The following TEPSIN variants were observed in gnomAD, a reference collection of about 807,000 sequenced individuals.
TEPSIN encodes the protein AP-4 complex accessory subunit tepsin.
In TEPSIN, 50 loss-of-function variants were observed where a neutral mutation model predicts 48.5. The ratio of observed to expected loss-of-function variants is 1.03; its 90% CI spans 0.82 to 1.31. TEPSIN has a LOEUF of 1.31. Among genes scored for constraint, TEPSIN ranks in the 50% most tolerant of loss-of-function variants. TEPSIN has a pLI of 0.00. For missense variants in TEPSIN, 838 were observed against 815.9 expected (o/e 1.03, Z -0.33); for synonymous variants, 392 against 358.8 (o/e 1.09, Z -1.05).
At chr17:81,232,933 G>A in intron 7 of TEPSIN, 1 of 230,422 alleles carries the variant, frequency 4.3e-6, no homozygotes, top group Non-Finnish European at 8.5e-6. Context: ...AGGACGGCGT[G>A]ACACAGCCTA....
chr17:81,233,075 G>T lies in TEPSIN; in HGVS notation c.526+357C>A. The stretch of plus-strand genomic sequence containing the variant: ...TGGTGAGCAGTTGTCCACTGGTACT[G>T]CCCCACCTCATAACAGCTCCACACG... On this transcript the variant is annotated intron_variant, in intron 7 of 12. Coordinates refer to ENST00000637944, the MANE Select transcript of TEPSIN (RefSeq NM_001363764.2). This position sits in a 1 kb window ranked among gnomAD's most constrained non-coding sequence, Gnocchi z 5.8. The T allele has an allele frequency of 2.8e-6, 1 of 358,368 alleles. No homozygotes were observed. The highest frequency in any genetic ancestry group is 5.1e-6 in the Non-Finnish European group (1 of 194,356). 22.2% of individuals were successfully genotyped at this position (358,368 alleles called of 1,614,324 possible).
chr17:81,232,527 G>T lies in TEPSIN; in HGVS notation c.527-9C>A. ...GGCTTCGCCTGCCGAGCCTGTACCC[G>T]AGGAGAGGGAGATGGGACGGCCGCC... On this transcript the variant is annotated splice_polypyrimidine_tract_variant and intron_variant, in intron 7 of 12. Coordinates refer to ENST00000637944, the MANE Select transcript of TEPSIN (RefSeq NM_001363764.2). 6.5e-7 allele frequency: 1 copy of T among 1,527,268 alleles called. No homozygotes were observed. Among genetic ancestry groups the T allele is most frequent in the Admixed American group, 2.0e-5 (1 of 50,704 alleles). 94.6% of individuals were successfully genotyped at this position (1,527,268 alleles called of 1,614,324 possible).
At position 81,233,785 on chromosome 17, in the gene TEPSIN, A is replaced by G. The variant is rs1443532277; in HGVS notation, c.376-69T>C. On this transcript the variant is annotated intron_variant, in intron 5 of 12. Coordinates refer to ENST00000637944, the MANE Select transcript of TEPSIN (RefSeq NM_001363764.2). This position sits in a 1 kb window ranked among gnomAD's most constrained non-coding sequence, Gnocchi z 5.8. Reference sequence around the variant, plus strand: ...CTGCTGTACTCACCCTGCCACCCATATCAGCTCCGTTCTGTCCCCCGGACA... The same window carrying G: ...CTGCTGTACTCACCCTGCCACCCATGTCAGCTCCGTTCTGTCCCCCGGACA... 9 of 1,475,700 alleles carry G rather than the reference A, an allele frequency of 6.1e-6. No homozygotes were observed. The highest frequency in any genetic ancestry group is 8.2e-6 in the Non-Finnish European group (9 of 1,093,800). The allele number at this position is 1,475,700 out of a possible 1,614,324, so 91.4% of individuals were successfully genotyped here. A position where few individuals can be genotyped will look rare whatever the true frequency, so the allele number is the denominator to read the frequency against.
intron 2 of TEPSIN, 106 bp from the exon 3 acceptor site, chr17:81,237,177 A>C: frequency 7.8e-7 from 1 of 1,287,854 alleles, no homozygotes; most frequent in Non-Finnish European, 1.1e-6. Flanking sequence ...GGAGGCGCCT[A>C]CTGGAGGCTC....
Position 81,234,147 on chromosome 17 carries a change from C to T in TEPSIN, c.308-99G>A. 9.0e-7 allele frequency: 1 copy of T among 1,116,312 alleles called. No homozygotes were observed. The highest frequency in any genetic ancestry group is 1.2e-6 in the Non-Finnish European group (1 of 811,164). 69.2% of individuals were successfully genotyped at this position (1,116,312 alleles called of 1,614,324 possible). Reference sequence around the variant, plus strand: ...TGGGCCCACTCCAGGGTGGCAAGTTCCTGCCACCAAGGCCCTTCTGTCACA... The same window carrying T: ...TGGGCCCACTCCAGGGTGGCAAGTTTCTGCCACCAAGGCCCTTCTGTCACA... On this transcript the variant is annotated intron_variant, in intron 4 of 12. Coordinates refer to ENST00000637944, the MANE Select transcript of TEPSIN (RefSeq NM_001363764.2). The surrounding 1 kb of genome is among the most constrained non-coding windows in gnomAD (Gnocchi z 5.4).
Position 81,230,441 on chromosome 17 carries a change from G to C in TEPSIN, c.1233+103C>G. 6.6e-7 allele frequency: 1 copy of C among 1,505,646 alleles called. No homozygotes were observed. Among genetic ancestry groups the C allele is most frequent in the South Asian group, 1.2e-5 (1 of 80,694 alleles). The allele number at this position is 1,505,646 out of a possible 1,614,324, so 93.3% of individuals were successfully genotyped here. The stretch of plus-strand genomic sequence containing the variant: ...GGGACTTGAGAGGGGGTCCGGGAAG[G>C]GCTGACCAGGCGCCGGGCAGGGACG... On this transcript the variant is annotated intron_variant, in intron 12 of 12. Coordinates refer to ENST00000637944, the MANE Select transcript of TEPSIN (RefSeq NM_001363764.2). This position sits in a 1 kb window ranked among gnomAD's most constrained non-coding sequence, Gnocchi z 4.2.
rs747412968 is a variant in TEPSIN, at chr17:81,229,105, G to A, written c.1605C>T (p.Arg535=). 31 of 1,613,500 alleles carry A rather than the reference G, an allele frequency of 1.9e-5. No individual in the cohort carries two copies. The highest frequency in any genetic ancestry group is 1.2e-4 in the South Asian group (11 of 91,076). Residue 535 remains arginine, a synonymous_variant, in exon 13 of 13, where the codon CGC becomes CGT. Coordinates refer to ENST00000637944, the MANE Select transcript of TEPSIN (RefSeq NM_001363764.2). ...GCTCCATGCCAGCAAACAAGGAGTC[G>A]CGGCTCCACGCACAGCTGCTGGGGC... ...KRGPSSCAWS[R]DSLFAGMELV...
In TEPSIN at chr17:81,229,474, G is replaced by A; in HGVS notation, c.1236C>T (p.Ile412=). Residue 412 remains isoleucine (I), a splice_region_variant and synonymous_variant, in exon 13 of 13, where the codon ATC becomes ATT. Transcript: ENST00000637944. ...CACAGGAGGCCTCAAAGTGCCTCAG[G>A]ATCTGAAAGAGGAAGGAGGAACCAG... ...PGPVTNKATK[I]LRHFEASCGQ... 1 of 1,549,376 alleles carries A rather than the reference G, an allele frequency of 6.5e-7. No homozygotes were observed. Among genetic ancestry groups the A allele is most frequent in the Non-Finnish European group, 8.7e-7 (1 of 1,146,544 alleles).
chr17:81,235,863 CG>C (rs1316776643), intron 4 of TEPSIN, among the ~76,000 whole-genome samples: 4 of 152,324 alleles, frequency 2.6e-5, no homozygotes, highest in Admixed American at 1.3e-4. Context: ...CTGGCCCCTG[CG>C]GAACACCTAG....
At chr17:81,237,178 C>G (rs2062738682) in intron 2 of TEPSIN, 107 bp from the exon 3 acceptor site, 2 of 1,274,836 alleles carry the variant, frequency 1.6e-6, no homozygotes, top group Non-Finnish European at 2.2e-6. Context: ...GAGGCGCCTA[C>G]TGGAGGCTCT....
chr17:81,233,086 T>A lies in TEPSIN; in HGVS notation c.526+346A>T. 5.1e-6 allele frequency: 2 copies of A among 390,214 alleles called. No homozygotes were observed. Among genetic ancestry groups the A allele is most frequent in the South Asian group, 6.8e-5 (2 of 29,582 alleles). 24.2% of individuals were successfully genotyped at this position (390,214 alleles called of 1,614,324 possible). ...TGTCCACTGGTACTGCCCCACCTCA[T>A]AACAGCTCCACACGGGACTGCCTGA... is the stretch of plus-strand genomic sequence containing the variant. On this transcript the variant is annotated intron_variant, in intron 7 of 12. Coordinates refer to ENST00000637944, the MANE Select transcript of TEPSIN (RefSeq NM_001363764.2). The surrounding 1 kb of genome is among the most constrained non-coding windows in gnomAD (Gnocchi z 5.8).
rs764606190 is a variant in TEPSIN at position 81,231,968 on chromosome 17, C to T, written c.784G>A (p.Gly262Ser). The change falls in exon 9 of 13, where the codon GGC becomes AGC. Residue 262 changes from glycine (G) to serine (S), a missense_variant. Coordinates refer to ENST00000637944, the MANE Select transcript of TEPSIN (RefSeq NM_001363764.2). ...TGGGAGGAATTCTGAGAGCTGGGGC[C>T]GCTGTCCAGCTCATCCCAGCCCCCT... ...AGGGWDELDS[G>S]PSSQNSSQNS... is the part of the protein sequence containing the mutation. The T allele has an allele frequency of 1.4e-5, 23 of 1,612,900 alleles. No homozygotes were observed. The highest frequency in any genetic ancestry group is 5.3e-5 in the African/African-American group (4 of 74,936).
rs779878617 is a variant in TEPSIN, at chr17:81,234,342, C to G, written c.308-294G>C. ...GAGCGGGTGTGGCCTCCCCGAAGCC[C>G]ACTCTCCCTGCCCCAGGTGCACCAG... On this transcript the variant is annotated intron_variant, in intron 4 of 12. Coordinates refer to ENST00000637944, the MANE Select transcript of TEPSIN (RefSeq NM_001363764.2). The surrounding 1 kb of genome is among the most constrained non-coding windows in gnomAD (Gnocchi z 5.4). 3.2e-6 allele frequency: 1 copy of G among 309,052 alleles called. No individual in the cohort carries two copies. The allele number at this position is 309,052 out of a possible 1,614,324, so 19.1% of individuals were successfully genotyped here.
chr17:81,231,444 T>A lies in TEPSIN; in HGVS notation c.1052A>T (p.Gln351Leu), dbSNP rs2062606251. The change falls in exon 11 of 13, where the codon CAG becomes CTG. Residue 351 changes from glutamine (Q) to leucine (L), a missense_variant. By Grantham distance (113) the Gln-to-Leu change is moderately radical (BLOSUM62 -2). Transcript: ENST00000637944. ...CCCACGCAGGTGGCAGGTCAGCAGC[T>A]GCAGCACGGCCTCACAGTTGAGCAG... ...CGLLNCEAVL[Q>L]LLTCHLRGTS... 1 of 1,568,028 alleles carries A rather than the reference T, an allele frequency of 6.4e-7. No individual in the cohort carries two copies. The highest frequency in any genetic ancestry group is 8.6e-7 in the Non-Finnish European group (1 of 1,156,616).
At position 81,231,840 on chromosome 17, in the gene TEPSIN, C is replaced by G. The variant is rs371959034; in HGVS notation, c.905+7G>C. On this transcript the variant is annotated splice_region_variant and intron_variant, in intron 9 of 12. Transcript: ENST00000637944. ...CCTCTCCCACATATCTGGCAGCTCC[C>G]GCTCACCTTTCTGCCAGGTCACCCG... 6.2e-7 allele frequency: 1 copy of G among 1,612,516 alleles called. No individual in the cohort carries two copies. The highest frequency in any genetic ancestry group is 8.5e-7 in the Non-Finnish European group (1 of 1,179,826).
rs976452216 is a variant in TEPSIN at position 81,234,447 on chromosome 17, C to G, written c.308-399G>C. Among the ~76,000 whole-genome samples the G allele has an allele frequency of 2.6e-5, 4 of 152,120 alleles. No homozygotes were observed. Among genetic ancestry groups the G allele is most frequent in the African/African-American group, 7.2e-5 (3 of 41,416 alleles). On this transcript the variant is annotated intron_variant, in intron 4 of 12. Transcript: ENST00000637944. This position sits in a 1 kb window ranked among gnomAD's most constrained non-coding sequence, Gnocchi z 5.4. ...GCCTGAAAGCTCCACCTAGCCCCAC[C>G]CAACCCCAGTCTCAGCCGCCTCGAG...
Position 81,230,848 on chromosome 17 carries a change from A to C in TEPSIN, c.1099-170T>G, listed in dbSNP as rs1348765174. 2.7e-4 allele frequency: 211 copies of C among 767,672 alleles called. 2 individuals are homozygous for C. The African/African-American group carries it at 3.9e-3, about 14-fold the overall frequency. The allele number at this position is 767,672 out of a possible 1,614,324, so 47.6% of individuals were successfully genotyped here. A position where few individuals can be genotyped will look rare whatever the true frequency, so the allele number is the denominator to read the frequency against. ...CTGTCCTCACCGCCTTACACCCCGGATCCCAGACACCACAGCCCTGTCCTC... is the reference window on the plus strand; with the variant it reads ...CTGTCCTCACCGCCTTACACCCCGGCTCCCAGACACCACAGCCCTGTCCTC... On this transcript the variant is annotated intron_variant, in intron 11 of 12. Coordinates refer to ENST00000637944, the MANE Select transcript of TEPSIN (RefSeq NM_001363764.2). The surrounding 1 kb of genome is among the most constrained non-coding windows in gnomAD (Gnocchi z 4.2).
In TEPSIN at chr17:81,228,907, C is replaced by T. The variant is rs766967423; in HGVS notation, c.*21G>A. 2 of 1,611,850 alleles carry T rather than the reference C, an allele frequency of 1.2e-6. No individual in the cohort carries two copies. The highest frequency in any genetic ancestry group is 1.1e-5 in the South Asian group (1 of 90,976). On this transcript the variant is annotated 3_prime_UTR_variant, in exon 13 of 13. Transcript: ENST00000637944. ...CCCAGACAGCAGCTGAAGCTGAAGA[C>T]TCCAGGGCCAGGCCATCGGGTCAGG...
chr17:81,232,647 G>A (rs977715607), intron 7 of TEPSIN, 129 bp from the exon 8 acceptor site: 15 of 856,388 alleles, frequency 1.8e-5, no homozygotes, highest in African/African-American at 1.7e-5. Flanking sequence ...TGCAGGTAGG[G>A]AGGCCTCCTG....
Sources: allele counts gnomAD v4.1 joint callset (sites outside exome capture counted in the v4.1 genomes callset), GRCh38; gene constraint gnomAD v4.1.1; non-coding constraint Gnocchi (gnomAD v3.1); transcripts MANE v1.5; gene names NCBI Gene and HGNC (gene_info 2026-07-23, HGNC 2026-07-21).